ST8SIA5: variants seen among roughly 807,000 people sequenced by gnomAD.
ST8SIA5 encodes the protein ST8 alpha-N-acetyl-neuraminide alpha-2,8-sialyltransferase 5.
A neutral mutation model predicts 40.2 loss-of-function variants in ST8SIA5; 24 were observed. That is an observed-to-expected ratio of 0.60 (90% CI 0.43 to 0.84). The LOEUF is 0.84. Among genes scored for constraint, ST8SIA5 ranks in the 40% least tolerant of loss-of-function variants. The pLI is 0.00. For synonymous variants in ST8SIA5, 198 were observed against 201.8 expected (o/e 0.98, Z 0.16); for missense variants, 465 against 498.5 (o/e 0.93, Z 0.64).
At chr18:46,730,536 T>C (rs1370260098) in intron 1 of ST8SIA5, among the ~76,000 whole-genome samples, 1 of 152,240 alleles carries the variant, frequency 6.6e-6, no homozygotes, top group African/African-American at 2.4e-5. Context: ...CTTTTGATTT[T>C]ATACATGCTT....
chr18:46,682,551 C>T (rs974272506), intron 5 of ST8SIA5, among the ~76,000 whole-genome samples: 1 of 152,220 alleles, frequency 6.6e-6, no homozygotes, highest in Non-Finnish European at 1.5e-5. Flanking sequence ...CATGCAAAAG[C>T]AAGTTGCCAC....
At chr18:46,701,049 T>C (rs192539895) in intron 2 of ST8SIA5, among the ~76,000 whole-genome samples, 1 of 150,636 alleles carries the variant, frequency 6.6e-6, no homozygotes, top group Admixed American at 6.6e-5. Flanking sequence ...TGTTGTGGGC[T>C]GAAGTGTGTC....
rs1310766719 is a variant in ST8SIA5, at chr18:46,680,153, G to A, written c.1020C>T (p.Asn340=). ...CGTGGAAGCCGGGACGCGGCTTGAC[G>A]TTGTCATAGTAGTGGTGAGTGATGT... is the stretch of plus-strand genomic sequence containing the variant. The part of the protein sequence containing the change: ...GLYITHHYYD[N]VKPRPGFHAM... The change falls in exon 7 of 7, where the codon AAC becomes AAT. Residue 340 remains asparagine (N), a synonymous_variant. Coordinates refer to ENST00000315087, the MANE Select transcript of ST8SIA5 (RefSeq NM_013305.6). 3.1e-6 allele frequency: 5 copies of A among 1,614,116 alleles called. No individual in the cohort carries two copies. Among genetic ancestry groups the A allele is most frequent in the African/African-American group, 1.3e-5 (1 of 74,944 alleles).
chr18:46,670,096 A>C lies in ST8SIA5; in HGVS notation c.*9946T>G, dbSNP rs922176292. On this transcript the variant is annotated 3_prime_UTR_variant, in exon 7 of 7. Coordinates refer to ENST00000315087, the MANE Select transcript of ST8SIA5 (RefSeq NM_013305.6). ...AAAAAAAAAAAGAGTGAGTTTACCC[A>C]TCTCGCCTATCCTTCATCATCAGAT... The C allele has an allele frequency of 1.3e-5, 2 of 151,966 alleles. No individual in the cohort carries two copies. Among genetic ancestry groups the C allele is most frequent in the African/African-American group, 2.4e-5 (1 of 41,326 alleles). 9.4% of individuals were successfully genotyped at this position (151,966 alleles called of 1,614,324 possible).
At chr18:46,725,207 A>G (rs532859697) in intron 1 of ST8SIA5, among the ~76,000 whole-genome samples, 1 of 152,328 alleles carries the variant, frequency 6.6e-6, no homozygotes, top group South Asian at 2.1e-4. Flanking sequence ...CTACTCCTAA[A>G]AGTCTTTACC....
intron 1 of ST8SIA5, 63 bp downstream of exon 1, chr18:46,756,315 A>G (rs1419473257): frequency 6.3e-7 from 1 of 1,594,660 alleles, no homozygotes; most frequent in African/African-American, 1.4e-5. Flanking sequence ...TGCCGCGGCC[A>G]CTGCCACCCG....
chr18:46,705,299 G>C (rs945185475), intron 1 of ST8SIA5, among the ~76,000 whole-genome samples: 1 of 152,182 alleles, frequency 6.6e-6, no homozygotes, highest in Non-Finnish European at 1.5e-5. Flanking sequence ...GCTGGCTCCA[G>C]GCATGTCACA....
intron 2 of ST8SIA5, among the ~76,000 whole-genome samples, chr18:46,697,223 G>A (rs1318917751): frequency 6.6e-6 from 1 of 151,752 alleles, no homozygotes; most frequent in Non-Finnish European, 1.5e-5. Flanking sequence ...CAGACACAGA[G>A]CTCCTATCAG....
Position 46,695,002 on chromosome 18 carries a change from T to C in ST8SIA5, c.225-2747A>G, listed in dbSNP as rs531410657. Among the ~76,000 whole-genome samples, 83 of 151,874 alleles carry C rather than the reference T, an allele frequency of 5.5e-4. No homozygotes were observed. In the South Asian group the frequency reaches 6.3e-3, roughly 11 times the overall value. The stretch of plus-strand genomic sequence containing the variant: ...AGTGAAACCCTGTCTCCACTAAAAA[T>C]ACAAAAATTAGCCGGGCATGGCAGT... On this transcript the variant is annotated intron_variant, in intron 2 of 6. Transcript: ENST00000315087.
At position 46,679,318 on chromosome 18, in the gene ST8SIA5, G is replaced by T. The variant is rs1049510046; in HGVS notation, c.*724C>A. ...GATTGAACCTGGGGGCACCAAGACC[G>T]CATGTGTGTCCGAGGATGTGTCTGA... On this transcript the variant is annotated 3_prime_UTR_variant, in exon 7 of 7. Transcript: ENST00000315087. 6.6e-6 allele frequency: 1 copy of T among 152,130 alleles called. No homozygotes were observed. The highest frequency in any genetic ancestry group is 2.4e-5 in the African/African-American group (1 of 41,380). 9.4% of individuals were successfully genotyped at this position (152,130 alleles called of 1,614,324 possible). A position where few individuals can be genotyped will look rare whatever the true frequency, so the allele number is the denominator to read the frequency against.
At chr18:46,744,734 C>T (rs1264612965) in intron 1 of ST8SIA5, among the ~76,000 whole-genome samples, 1 of 152,192 alleles carries the variant, frequency 6.6e-6, no homozygotes, top group African/African-American at 2.4e-5. Flanking sequence ...ATCTACAGAA[C>T]TCTCCACCCT....
chr18:46,743,803 G>C (rs969718809), intron 1 of ST8SIA5, among the ~76,000 whole-genome samples: 1 of 152,108 alleles, frequency 6.6e-6, no homozygotes, highest in African/African-American at 2.4e-5. Context: ...AAAGGTTAAG[G>C]GCAGCCAGAG....
chr18:46,690,466 C>G (rs1351527222), intron 3 of ST8SIA5, among the ~76,000 whole-genome samples: 1 of 152,112 alleles, frequency 6.6e-6, no homozygotes, highest in Non-Finnish European at 1.5e-5. Flanking sequence ...TGAAACTGCT[C>G]CACACCCCTC....
chr18:46,716,762 C>G (rs2039796152), intron 1 of ST8SIA5, among the ~76,000 whole-genome samples: 1 of 152,234 alleles, frequency 6.6e-6, no homozygotes, highest in African/African-American at 2.4e-5. Flanking sequence ...GGATTATGTG[C>G]ACTCGCCAGA....
chr18:46,691,055 T>C lies in ST8SIA5; in HGVS notation c.311+1114A>G, dbSNP rs923765757. Among the ~76,000 whole-genome samples, 3 of 152,338 alleles carry C rather than the reference T, an allele frequency of 2.0e-5. No homozygotes were observed. The East Asian group carries it at 5.8e-4, about 29-fold the overall frequency. ...CGCCCCCAGGGGCACCTCTGTGCAG[T>C]GTGCACAGTAACATTTCTAAGGGGC... On this transcript the variant is annotated intron_variant, in intron 3 of 6. Coordinates refer to ENST00000315087, the MANE Select transcript of ST8SIA5 (RefSeq NM_013305.6).
rs150223597 is a variant in ST8SIA5 at position 46,702,524 on chromosome 18, G to A, written c.224+2048C>T. On this transcript the variant is annotated intron_variant, in intron 2 of 6. Transcript: ENST00000315087. ...TGCAGCTTCCGTGTCTTCCCCGCCG[G>A]CATTCGAGCTGCCCCATCCTTCAGA... Among the ~76,000 whole-genome samples the A allele has an allele frequency of 7.4e-3, 1,132 of 152,294 alleles. 7 individuals carry two copies. The highest frequency in any genetic ancestry group is 0.012 in the Non-Finnish European group (839 of 68,024).
intron 1 of ST8SIA5, among the ~76,000 whole-genome samples, chr18:46,706,553 T>C (rs1188892677): frequency 1.3e-5 from 2 of 152,258 alleles, no homozygotes; most frequent in South Asian, 2.1e-4. Flanking sequence ...TACATAATAG[T>C]ACAATTGTGT....
intron 1 of ST8SIA5, chr18:46,723,328 G>A (rs1243022569): frequency 1.3e-5 from 2 of 152,230 alleles, no homozygotes; most frequent in Non-Finnish European, 2.9e-5. Flanking sequence ...GAGGTGAGTG[G>A]ATCACCTGAG....
chr18:46,742,499 G>C lies in ST8SIA5; in HGVS notation c.131+13879C>G, dbSNP rs372857273. Among the ~76,000 whole-genome samples, 3 of 151,666 alleles carry C rather than the reference G, an allele frequency of 2.0e-5. No individual in the cohort carries two copies. The East Asian group carries it at 5.8e-4, about 29-fold the overall frequency. On this transcript the variant is annotated intron_variant, in intron 1 of 6. Coordinates refer to ENST00000315087, the MANE Select transcript of ST8SIA5 (RefSeq NM_013305.6). ...TGTGCTTCAAAGGAACACCAAAAAA[G>C]TGAAAAGACATGTTTTGCAAATCAC...
Sources: gnomAD v4.1 joint callset for allele counts (sites outside exome capture counted in the v4.1 genomes callset) on GRCh38, gnomAD v4.1.1 for gene constraint, MANE v1.5 for transcripts, NCBI Gene and HGNC (gene_info 2026-07-23, HGNC 2026-07-21) for gene names.